Variants in LAMB3 observed in about 807,000 individuals in gnomAD.
LAMB3 encodes laminin subunit beta 3.
LAMB3 carries 104 observed loss-of-function variants against 140.3 expected under a neutral mutation model. The ratio of observed to expected loss-of-function variants is 0.74; its 90% CI spans 0.63 to 0.87. LAMB3 has a LOEUF of 0.87. Ranked by LOEUF, LAMB3 falls within the 40% of genes least tolerant of loss-of-function variation. The pLI is 0.00. For missense variants in LAMB3, 1,531 were observed against 1,575.2 expected, an observed-to-expected ratio of 0.97 and a Z score of 0.47; for synonymous variants, 592 against 602.9, an observed-to-expected ratio of 0.98 and a Z score of 0.26.
intron 3 of LAMB3, among the ~76,000 whole-genome samples, chr1:209,641,962 T>G (rs2076472698): frequency 6.6e-6 from 1 of 152,174 alleles, no homozygotes; most frequent in Admixed American, 6.5e-5. Flanking sequence ...TCCGGCCGCC[T>G]GTCACCAGAG....
intron 8 of LAMB3, among the ~76,000 whole-genome samples, chr1:209,631,492 T>A (rs1558158667): frequency 1.3e-5 from 2 of 152,222 alleles, no homozygotes; most frequent in South Asian, 4.1e-4. Flanking sequence ...GTGCCTCTAA[T>A]TCCATAGATC....
At chr1:209,635,357 C>T (rs578038727) in intron 5 of LAMB3, among the ~76,000 whole-genome samples, 10 of 152,228 alleles carry the variant, frequency 6.6e-5, no homozygotes, top group African/African-American at 9.6e-5. Context: ...CCTTTCCCCA[C>T]GTTCACTCTT....
intron 8 of LAMB3, 33 bp downstream of exon 8, chr1:209,632,550 C>A (rs2072940): frequency 6.3e-7 from 1 of 1,590,766 alleles, no homozygotes; most frequent in South Asian, 1.1e-5. Flanking sequence ...GGTCCTGCCC[C>A]CTTCCTCTCC....
At chr1:209,648,958 G>C (rs2102464312) in intron 3 of LAMB3, among the ~76,000 whole-genome samples, 1 of 152,234 alleles carries the variant, frequency 6.6e-6, no homozygotes, top group South Asian at 2.1e-4. Context: ...TCCTGGCTAG[G>C]GCTGGCCATC....
chr1:209,640,287 C>G (rs773224867), intron 3 of LAMB3, among the ~76,000 whole-genome samples: 4 of 152,214 alleles, frequency 2.6e-5, no homozygotes, highest in Non-Finnish European at 5.9e-5. Flanking sequence ...TGGTGGCTCA[C>G]GCCTGTAATC....
intron 3 of LAMB3, among the ~76,000 whole-genome samples, chr1:209,641,828 G>A (rs553233078): frequency 6.6e-6 from 1 of 152,268 alleles, no homozygotes; most frequent in South Asian, 2.1e-4. Flanking sequence ...CCCCTATTTT[G>A]GTCCCTGGCA....
intron 19 of LAMB3, 78 bp from the exon 20 acceptor site, chr1:209,618,126 C>G: frequency 6.4e-7 from 1 of 1,561,946 alleles, no homozygotes; most frequent in Non-Finnish European, 8.8e-7. Context: ...ACTCACACAC[C>G]AGTCCAAAAG....
At chr1:209,619,416 C>G in intron 18 of LAMB3, among the ~76,000 whole-genome samples, 1 of 152,296 alleles carries the variant, frequency 6.6e-6, no homozygotes, top group Non-Finnish European at 1.5e-5. Flanking sequence ...TCCTCATGTG[C>G]GTAGAGTGAA....
chr1:209,625,018 G>A (rs1666376979), intron 14 of LAMB3, among the ~76,000 whole-genome samples: 2 of 152,140 alleles, frequency 1.3e-5, no homozygotes. Flanking sequence ...ATATTCGCTT[G>A]AGTTCCTCTC....
Position 209,618,627 on chromosome 1 carries a change from C to G in LAMB3, c.2734G>C (p.Val912Leu). 2 of 1,613,834 alleles carry G rather than the reference C, an allele frequency of 1.2e-6. No homozygotes were observed. Among genetic ancestry groups the G allele is most frequent in the Non-Finnish European group, 1.7e-6 (2 of 1,180,012 alleles). Residue 912 changes from valine (V) to leucine (L), a missense_variant, in exon 19 of 23, where the codon GTC (valine) becomes CTC (leucine). Coordinates refer to ENST00000356082, the MANE Select transcript of LAMB3 (RefSeq NM_000228.3). ...PDTDAATIQE[V>L]SEAVLALWLP... ...CACAGGGCCAGCACGGCCTCGCTGA[C>G]CTCCTGGATAGTGGCTGCATCAGTG...
At chr1:209,629,648 T>C in intron 10 of LAMB3, 89 bp downstream of exon 10, 1 of 1,286,004 alleles carries the variant, frequency 7.8e-7, no homozygotes, top group Non-Finnish European at 1.1e-6. Context: ...AGGGCCTTGG[T>C]GTGCCCAGGA....
Position 209,651,481 on chromosome 1 carries a change from G to A in LAMB3, c.-37-500C>T, listed in dbSNP as rs3753523. ...CTGGAGGCAAACCTTCTCCTGTCACGGGCATGGCCTCCAATACCATTCAGG... is the reference window on the plus strand; with the variant it reads ...CTGGAGGCAAACCTTCTCCTGTCACAGGCATGGCCTCCAATACCATTCAGG... On this transcript the variant is annotated intron_variant, in intron 1 of 22. Coordinates refer to ENST00000356082, the MANE Select transcript of LAMB3 (RefSeq NM_000228.3). The A allele has an allele frequency of 0.15, 25,880 of 175,492 alleles. 2,025 individuals carry two copies. Among genetic ancestry groups the A allele is most frequent in the African/African-American group, 0.16 (6,856 of 42,362 alleles). 10.9% of individuals were successfully genotyped at this position (175,492 alleles called of 1,614,324 possible). A position where few individuals can be genotyped will look rare whatever the true frequency, so the allele number is the denominator to read the frequency against.
chr1:209,615,418 T>C lies in LAMB3; in HGVS notation c.3383-11A>G. 6.3e-7 allele frequency: 1 copy of C among 1,588,260 alleles called. No individual in the cohort carries two copies. The highest frequency in any genetic ancestry group is 8.6e-7 in the Non-Finnish European group (1 of 1,164,312). ...GCTCCAACTCCATGTCTGAGGCAAA[T>C]GGAACAGCAGCAGGAGGAGGAGTTG... On this transcript the variant is annotated splice_polypyrimidine_tract_variant and intron_variant, in intron 22 of 22. Coordinates refer to ENST00000356082, the MANE Select transcript of LAMB3 (RefSeq NM_000228.3).
In LAMB3 at chr1:209,625,937, G is replaced by C; in HGVS notation, c.1687C>G (p.Arg563Gly). 1 of 1,613,664 alleles carries C rather than the reference G, an allele frequency of 6.2e-7. No individual in the cohort carries two copies. The highest frequency in any genetic ancestry group is 2.2e-5 in the East Asian group (1 of 44,874). The change falls in exon 14 of 23, where the codon CGC becomes GGC. Residue 563 changes from arginine (R) to glycine (G), a missense_variant. Arg to Gly is a moderately radical substitution (Grantham distance 125, BLOSUM62 -2). Coordinates refer to ENST00000356082, the MANE Select transcript of LAMB3 (RefSeq NM_000228.3). ...CLCRPGLTGP[R>G]CDQCQRGYCN... ...TAGCCTCGCTGGCACTGGTCACAGC[G>C]GGGCCCGGTCAAGCCAGGGCGGCAG... is the stretch of plus-strand genomic sequence containing the variant.
intron 19 of LAMB3, 93 bp downstream of exon 19, chr1:209,618,359 C>T (rs1385362306): frequency 1.5e-6 from 2 of 1,293,080 alleles, no homozygotes; most frequent in East Asian, 2.4e-5. Flanking sequence ...TCCTGTCTCC[C>T]AGCCCTCTGT....
intron 10 of LAMB3, among the ~76,000 whole-genome samples, chr1:209,629,523 C>G (rs1382424487): frequency 2.0e-5 from 3 of 152,110 alleles, no homozygotes; most frequent in Non-Finnish European, 4.4e-5. Context: ...AAGCCTAACT[C>G]TTGATTGATT....
In LAMB3 at chr1:209,616,499, C is replaced by G. The variant is rs1665969434; in HGVS notation, c.3354G>C (p.Glu1118Asp). The G allele has an allele frequency of 1.9e-6, 3 of 1,614,158 alleles. No individual in the cohort carries two copies. The highest frequency in any genetic ancestry group is 3.3e-5 in the Admixed American group (2 of 60,022). The stretch of plus-strand genomic sequence containing the variant: ...TCATCCTGTCCATCATCTCCATGGT[C>G]TCCCCAAACAGCTCCTCTGCCTCTG... Reference protein sequence around the residue: ...VKTEAEELFGETMEMMDRMKD... With the variant: ...VKTEAEELFGDTMEMMDRMKD... The change falls in exon 22 of 23, where the codon GAG (glutamate) becomes GAC (aspartate). Residue 1118 changes from glutamate (E) to aspartate (D), a missense_variant. Transcript: ENST00000356082.
intron 3 of LAMB3, among the ~76,000 whole-genome samples, chr1:209,638,969 C>T (rs1483406667): frequency 4.5e-5 from 5 of 111,552 alleles, no homozygotes; most frequent in Non-Finnish European, 8.6e-5. Flanking sequence ...AGAAAAGTGC[C>T]GAGAAAAAAA....
In LAMB3 at chr1:209,626,893, T is replaced by C. The variant is rs773032458; in HGVS notation, c.1571A>G (p.Tyr524Cys). ...AAIRQCPDRT[Y>C]GDVATGCRAC... ...TCGGCATCCTGTGGCCACGTCTCCA[T>C]AGGTCCGGTCTGGACACTGGCGGAT... The change falls in exon 13 of 23, where the codon TAT (tyrosine) becomes TGT (cysteine). Residue 524 changes from tyrosine (Y) to cysteine (C), a missense_variant. Tyr to Cys is a radical substitution (Grantham distance 194). Coordinates refer to ENST00000356082, the MANE Select transcript of LAMB3 (RefSeq NM_000228.3). 3 of 1,613,848 alleles carry C rather than the reference T, an allele frequency of 1.9e-6. No homozygotes were observed. The highest frequency in any genetic ancestry group is 2.7e-5 in the African/African-American group (2 of 75,046).
Sources: allele counts gnomAD v4.1 joint callset (sites outside exome capture counted in the v4.1 genomes callset), GRCh38; gene constraint gnomAD v4.1.1; transcripts MANE v1.5; gene names NCBI Gene and HGNC (gene_info 2026-07-23, HGNC 2026-07-21).